The following BTRC variants were observed in gnomAD, a reference collection of about 807,000 sequenced individuals.
BTRC encodes F-box/WD repeat-containing protein 1A.
In BTRC, 42 loss-of-function variants were observed where a neutral mutation model predicts 85.5. That is an observed-to-expected ratio of 0.49 (90% CI 0.38 to 0.64). The LOEUF (loss-of-function observed/expected upper bound fraction) is 0.64, where lower values mean the gene tolerates loss of function less well. Among genes scored for constraint, BTRC ranks in the 30% least tolerant of loss-of-function variants. The pLI, the probability that BTRC is intolerant of heterozygous loss-of-function variation, is 0.00. For missense variants in BTRC, 594 were observed against 743.5 expected (o/e 0.80, Z 2.34); for synonymous variants, 255 against 263.3 (o/e 0.97, Z 0.30).
At chr10:101,376,349 CA>C (rs1942790930) in intron 1 of BTRC, among the ~76,000 whole-genome samples, 2 of 152,276 alleles carry the variant, frequency 1.3e-5, no homozygotes, top group Non-Finnish European at 1.5e-5. Context: ...CAAGTGATGG[CA>C]GAATGAGACA....
chr10:101,355,206 C>T (rs945275944), intron 1 of BTRC, among the ~76,000 whole-genome samples: 3 of 151,884 alleles, frequency 2.0e-5, no homozygotes, highest in African/African-American at 7.3e-5. Flanking sequence ...TTGCAAAGAC[C>T]CATAAGAAGT....
chr10:101,458,611 T>C (rs989900496), intron 2 of BTRC, among the ~76,000 whole-genome samples: 3 of 152,208 alleles, frequency 2.0e-5, no homozygotes, highest in Admixed American at 6.5e-5. Context: ...GCTATACCTC[T>C]TTAGTTTCCT....
At chr10:101,530,843 G>A (rs996848636) in intron 6 of BTRC, among the ~76,000 whole-genome samples, 1 of 152,148 alleles carries the variant, frequency 6.6e-6, no homozygotes, top group South Asian at 2.1e-4. Context: ...AATGGTAACC[G>A]TGAAAACACT....
intron 1 of BTRC, among the ~76,000 whole-genome samples, chr10:101,395,622 A>G (rs1943344336): frequency 1.3e-5 from 2 of 152,164 alleles, no homozygotes. Context: ...TTAAAAAATG[A>G]ACTTAAAATG....
At chr10:101,526,417 G>A (rs2062191888) in intron 6 of BTRC, among the ~76,000 whole-genome samples, 2 of 152,158 alleles carry the variant, frequency 1.3e-5, no homozygotes, top group Admixed American at 1.3e-4. Flanking sequence ...TATTAATACT[G>A]CTTTGCAAAA....
intron 4 of BTRC, among the ~76,000 whole-genome samples, chr10:101,480,992 C>T (rs1413265199): frequency 6.6e-6 from 1 of 152,176 alleles, no homozygotes; most frequent in Non-Finnish European, 1.5e-5. Flanking sequence ...AATCCTAGCT[C>T]AATGCAGCCT....
chr10:101,354,248 C>T lies in BTRC; in HGVS notation c.48+20C>T, dbSNP rs988107523. ...TTTATGGTGAGGAGACGGTGGAGGC[C>T]GGGGAACGGTGGAGGCGCTGGCGTT... On this transcript the variant is annotated intron_variant, in intron 1 of 14. Coordinates refer to ENST00000370187, the MANE Select transcript of BTRC (RefSeq NM_033637.4). The T allele has an allele frequency of 5.5e-5, 85 of 1,548,274 alleles. No homozygotes were observed. The highest frequency in any genetic ancestry group is 7.0e-5 in the Non-Finnish European group (80 of 1,146,298).
intron 3 of BTRC, among the ~76,000 whole-genome samples, chr10:101,471,384 A>G (rs558648175): frequency 8.5e-5 from 13 of 152,240 alleles, no homozygotes; most frequent in Admixed American, 3.3e-4. Flanking sequence ...AAGAGAAACT[A>G]TCTCCAAAAA....
chr10:101,538,507 G>T (rs1035326616), intron 13 of BTRC, 136 bp downstream of exon 13: 2 of 696,862 alleles, frequency 2.9e-6, no homozygotes, highest in Non-Finnish European at 5.0e-6. Flanking sequence ...AAGGCAACCA[G>T]TACATGACAA....
intron 1 of BTRC, among the ~76,000 whole-genome samples, chr10:101,386,396 A>G (rs1943080232): frequency 6.6e-6 from 1 of 152,128 alleles, no homozygotes; most frequent in Admixed American, 6.6e-5. Flanking sequence ...AGGCCTGGGA[A>G]ACATTTATCT....
intron 2 of BTRC, among the ~76,000 whole-genome samples, chr10:101,441,921 ATGTAGACACGTCT>A (rs1944692129): frequency 1.3e-5 from 2 of 151,878 alleles, no homozygotes; most frequent in Non-Finnish European, 2.9e-5. Context: ...TCAGAATACA[ATGTAGACACGTCT>A]TGTTTTGAAC....
At chr10:101,461,739 C>A (rs1192887431) in intron 2 of BTRC, among the ~76,000 whole-genome samples, 1 of 152,168 alleles carries the variant, frequency 6.6e-6, no homozygotes, top group African/African-American at 2.4e-5. Context: ...TGATCTCCTA[C>A]ACAATGCTTA....
At chr10:101,523,183 G>A (rs1046189003) in intron 5 of BTRC, among the ~76,000 whole-genome samples, 1 of 152,072 alleles carries the variant, frequency 6.6e-6, no homozygotes, top group Middle Eastern at 3.2e-3. Context: ...CAGACTGGGC[G>A]ACAGGGCGAG....
chr10:101,508,511 T>A (rs999427283), intron 4 of BTRC, among the ~76,000 whole-genome samples: 2 of 152,186 alleles, frequency 1.3e-5, no homozygotes, highest in African/African-American at 4.8e-5. Context: ...TTGAAATGTG[T>A]GCCCCATTCT....
At chr10:101,453,268 G>C (rs1457021586) in intron 2 of BTRC, among the ~76,000 whole-genome samples, 2 of 152,050 alleles carry the variant, frequency 1.3e-5, no homozygotes, top group Non-Finnish European at 2.9e-5. Flanking sequence ...CCTTCAGGTG[G>C]GTTGTCATTC....
At chr10:101,375,596 A>G (rs1042784608) in intron 1 of BTRC, among the ~76,000 whole-genome samples, 2 of 152,224 alleles carry the variant, frequency 1.3e-5, no homozygotes, top group South Asian at 2.1e-4. Context: ...GCATCAGTGA[A>G]TACTAGAAAC....
At chr10:101,415,795 C>T (rs943569238) in intron 1 of BTRC, among the ~76,000 whole-genome samples, 1 of 152,084 alleles carries the variant, frequency 6.6e-6, no homozygotes, top group Non-Finnish European at 1.5e-5. Context: ...CCCGCCTCAG[C>T]CTCCCAAAGT....
intron 12 of BTRC, among the ~76,000 whole-genome samples, chr10:101,537,492 C>T (rs1003552756): frequency 7.2e-5 from 11 of 152,166 alleles, no homozygotes; most frequent in African/African-American, 2.2e-4. Flanking sequence ...TGCGCCACCA[C>T]ACTCCAGCCT....
At chr10:101,453,966 G>C (rs1945012344) in intron 2 of BTRC, among the ~76,000 whole-genome samples, 1 of 152,334 alleles carries the variant, frequency 6.6e-6, no homozygotes, top group South Asian at 2.1e-4. Context: ...GGATGGGCAT[G>C]GCTATGGGCC....
Sources: gnomAD v4.1 joint callset for allele counts (sites outside exome capture counted in the v4.1 genomes callset) on GRCh38, gnomAD v4.1.1 for gene constraint, MANE v1.5 for transcripts, NCBI Gene and HGNC (gene_info 2026-07-23, HGNC 2026-07-21) for gene names.